LRBA: variants seen among roughly 807,000 people sequenced by gnomAD.
LRBA encodes the protein LPS responsive beige-like anchor protein.
A neutral mutation model predicts 330.0 loss-of-function variants in LRBA; 176 were observed. That is an observed-to-expected ratio of 0.53 (90% CI 0.47 to 0.60). The LOEUF is 0.60. Among genes scored for constraint, LRBA ranks in the 20% least tolerant of loss-of-function variants. The pLI is 0.00. For synonymous variants in LRBA, 1,230 were observed against 1,193.0 expected (o/e 1.03, Z -0.64); for missense variants, 3,259 against 3,444.8 (o/e 0.95, Z 1.35).
intron 20 of LRBA, among the ~76,000 whole-genome samples, chr4:150,868,947 TAATGA>T (rs1483268540): frequency 6.6e-6 from 1 of 151,896 alleles, no homozygotes; most frequent in Non-Finnish European, 1.5e-5. Context: ...CAAAAAAAAA[TAATGA>T]AATAAAATAA....
chr4:150,663,473 A>G (rs1008860645), intron 37 of LRBA, among the ~76,000 whole-genome samples: 1 of 152,120 alleles, frequency 6.6e-6, no homozygotes, highest in Non-Finnish European at 1.5e-5. Flanking sequence ...TATTTTGAAT[A>G]TAAAAAATTT....
chr4:150,632,519 A>T (rs1157112474), intron 37 of LRBA, among the ~76,000 whole-genome samples: 3 of 152,186 alleles, frequency 2.0e-5, no homozygotes, highest in African/African-American at 7.2e-5. Flanking sequence ...AAAGAGAACT[A>T]GAAGCAAACA....
intron 40 of LRBA, among the ~76,000 whole-genome samples, chr4:150,524,837 CAA>C (rs1763289662): frequency 6.6e-6 from 1 of 152,072 alleles, no homozygotes; most frequent in Admixed American, 6.6e-5. Context: ...CTATTTGATT[CAA>C]AAAGTGACTG....
chr4:150,755,230 C>G (rs1734134304), intron 35 of LRBA, among the ~76,000 whole-genome samples: 1 of 152,128 alleles, frequency 6.6e-6, no homozygotes, highest in Non-Finnish European at 1.5e-5. Context: ...TGAAGACAGA[C>G]CAGTGTATTA....
At chr4:150,570,795 C>T (rs575018780) in intron 40 of LRBA, among the ~76,000 whole-genome samples, 12 of 152,196 alleles carry the variant, frequency 7.9e-5, no homozygotes, top group African/African-American at 2.2e-4. Context: ...TCCTTGGTTT[C>T]GTTACCTTTT....
intron 35 of LRBA, among the ~76,000 whole-genome samples, chr4:150,756,708 G>A (rs1734362542): frequency 6.6e-6 from 1 of 152,112 alleles, no homozygotes; most frequent in Admixed American, 6.6e-5. Context: ...TCTAAATTTA[G>A]TATAACACTG....
chr4:150,429,253 G>A (rs144692257), intron 46 of LRBA, among the ~76,000 whole-genome samples: 1 of 152,032 alleles, frequency 6.6e-6, no homozygotes, highest in East Asian at 1.9e-4. Flanking sequence ...AACCTGAAAG[G>A]CATGAAGAAT....
At chr4:150,867,420 G>A (rs570463786) in intron 22 of LRBA, among the ~76,000 whole-genome samples, 1 of 152,214 alleles carries the variant, frequency 6.6e-6, no homozygotes, top group Admixed American at 6.5e-5. Flanking sequence ...CCTTTATGCT[G>A]TGGCAATAGA....
intron 37 of LRBA, among the ~76,000 whole-genome samples, chr4:150,627,795 T>A (rs1777000178): frequency 6.6e-6 from 1 of 152,118 alleles, no homozygotes; most frequent in Non-Finnish European, 1.5e-5. Context: ...ATGTCTTTTT[T>A]GCCCTAATAT....
intron 52 of LRBA, among the ~76,000 whole-genome samples, chr4:150,309,911 G>A (rs529194308): frequency 3.9e-5 from 6 of 152,182 alleles, no homozygotes; most frequent in South Asian, 2.1e-4. Flanking sequence ...TGCACTTGCC[G>A]TAAGATTATG....
chr4:150,497,651 T>G (rs1759751784), intron 40 of LRBA, among the ~76,000 whole-genome samples: 1 of 152,190 alleles, frequency 6.6e-6, no homozygotes, highest in Non-Finnish European at 1.5e-5. Context: ...AATGTTCTAC[T>G]TGGCAGTTTT....
At chr4:150,751,954 T>C (rs1733613593) in intron 35 of LRBA, among the ~76,000 whole-genome samples, 1 of 152,178 alleles carries the variant, frequency 6.6e-6, no homozygotes, top group South Asian at 2.1e-4. Context: ...CTGGGCTTTC[T>C]GTGACCCCCA....
chr4:150,521,878 T>C (rs929016143), intron 40 of LRBA, among the ~76,000 whole-genome samples: 11 of 152,212 alleles, frequency 7.2e-5, no homozygotes. Flanking sequence ...TCATGAATTC[T>C]ACATAATTAC....
chr4:150,588,705 C>A (rs1391518313), intron 39 of LRBA, among the ~76,000 whole-genome samples: 1 of 152,144 alleles, frequency 6.6e-6, no homozygotes, highest in Non-Finnish European at 1.5e-5. Context: ...TGACACAAAA[C>A]CTCTTCCATA....
At chr4:150,432,453 CTTTTTTTTTT>C (rs35393002) in intron 46 of LRBA, among the ~76,000 whole-genome samples, 27,387 of 98,782 alleles carry the variant, frequency 0.28, 3,508 homozygotes, top group Middle Eastern at 0.39. Context: ...TAAGTGTGTT[CTTTTTTTTTT>C]TTTTTTTTTT....
chr4:150,767,541 C>T (rs377337614), intron 34 of LRBA, among the ~76,000 whole-genome samples: 1 of 151,272 alleles, frequency 6.6e-6, no homozygotes, highest in Non-Finnish European at 1.5e-5. Flanking sequence ...AGGCAGATCA[C>T]GAGGTCAGGA....
At chr4:150,762,206 T>C (rs1455064883) in intron 34 of LRBA, among the ~76,000 whole-genome samples, 2 of 151,902 alleles carry the variant, frequency 1.3e-5, no homozygotes, top group Non-Finnish European at 2.9e-5. Context: ...TTAAGATGTA[T>C]TACCCAAAAT....
intron 33 of LRBA, among the ~76,000 whole-genome samples, chr4:150,799,290 T>C (rs1741243788): frequency 6.6e-6 from 1 of 152,174 alleles, no homozygotes; most frequent in African/African-American, 2.4e-5. Context: ...TGTCTCTATA[T>C]TGTATTAGGA....
chr4:150,923,367 T>C (rs1381848805), intron 4 of LRBA, among the ~76,000 whole-genome samples: 1 of 152,104 alleles, frequency 6.6e-6, no homozygotes, highest in Non-Finnish European at 1.5e-5. Context: ...AAGCTATTCC[T>C]TATGCTTAAA....
Sources: gnomAD v4.1 joint callset for allele counts (sites outside exome capture counted in the v4.1 genomes callset) on GRCh38, gnomAD v4.1.1 for gene constraint, MANE v1.5 for transcripts, NCBI Gene and HGNC (gene_info 2026-07-23, HGNC 2026-07-21) for gene names.